ST8SIA2: variants seen among roughly 807,000 people sequenced by gnomAD.
The protein encoded by ST8SIA2 is alpha-2,8-sialyltransferase 8B.
Under a neutral mutation model 37.6 loss-of-function variants are expected in ST8SIA2, and 22 were observed. The observed-to-expected ratio is 0.58, with a 90% CI of 0.42 to 0.83. ST8SIA2 has a LOEUF of 0.83. ST8SIA2 is among the 40% of genes least tolerant of loss of function. The pLI, the probability that ST8SIA2 is intolerant of heterozygous loss-of-function variation, is 0.00. For missense variants in ST8SIA2, 382 were observed against 484.7 expected (o/e 0.79, Z 1.99); for synonymous variants, 205 against 201.2 (o/e 1.02, Z -0.16).
At position 92,464,432 on chromosome 15, in the gene ST8SIA2, C is replaced by A; in HGVS notation, c.*47C>A. 1 of 1,606,806 alleles carries A rather than the reference C, an allele frequency of 6.2e-7. No individual in the cohort carries two copies. Among genetic ancestry groups the A allele is most frequent in the Non-Finnish European group, 8.5e-7 (1 of 1,174,928 alleles). On this transcript the variant is annotated 3_prime_UTR_variant, in exon 6 of 6. Coordinates refer to ENST00000268164, the MANE Select transcript of ST8SIA2 (RefSeq NM_006011.4). ...AGTGGCTCACATTTCCTGCCAGCTA[C>A]ACCACAGGCAGATGGGAGTCGGGGT... is the stretch of plus-strand genomic sequence containing the variant.
chr15:92,454,114 G>A (rs762984823), intron 5 of ST8SIA2, among the ~76,000 whole-genome samples: 50 of 152,154 alleles, frequency 3.3e-4, no homozygotes, highest in Non-Finnish European at 6.0e-4. Flanking sequence ...CCGTAACAGC[G>A]TCTCACAGAC....
chr15:92,438,603 G>A lies in ST8SIA2; in HGVS notation c.541G>A (p.Val181Ile), dbSNP rs369258273. 4.9e-5 allele frequency: 79 copies of A among 1,606,484 alleles called. No individual in the cohort carries two copies. The Middle Eastern group carries it at 8.3e-4, about 17-fold the overall frequency. ...CGQEIDAHSF[V>I]IRCNLAPVQE... The stretch of plus-strand genomic sequence containing the variant: ...GCAGGAGATTGACGCCCACAGCTTC[G>A]TCATCAGGTAACATGCCCCAGCAGG... The change falls in exon 4 of 6, where the codon GTC (valine) becomes ATC (isoleucine). Residue 181 changes from valine to isoleucine, a missense_variant. Coordinates refer to ENST00000268164, the MANE Select transcript of ST8SIA2 (RefSeq NM_006011.4).
Position 92,409,314 on chromosome 15 carries a change from A to G in ST8SIA2, c.98+15152A>G, listed in dbSNP as rs574814386. Among the ~76,000 whole-genome samples, 4 of 152,304 alleles carry G rather than the reference A, an allele frequency of 2.6e-5. 1 individual carries two copies. Among genetic ancestry groups the G allele is most frequent in the African/African-American group, 7.2e-5 (3 of 41,560 alleles). On this transcript the variant is annotated intron_variant, in intron 1 of 5. Coordinates refer to ENST00000268164, the MANE Select transcript of ST8SIA2 (RefSeq NM_006011.4). ...ATGCTGGTCTGGCTGGCTTAATGGTACCTAATCTTACCTTTTGAAGCTCAC... is the reference window on the plus strand; with the variant it reads ...ATGCTGGTCTGGCTGGCTTAATGGTGCCTAATCTTACCTTTTGAAGCTCAC...
At chr15:92,420,505 T>C (rs1024757565) in intron 1 of ST8SIA2, among the ~76,000 whole-genome samples, 1 of 152,212 alleles carries the variant, frequency 6.6e-6, no homozygotes, top group African/African-American at 2.4e-5. Context: ...GGATGTTTTC[T>C]GAAGTTGAGC....
chr15:92,425,849 C>T (rs993931840), intron 1 of ST8SIA2, among the ~76,000 whole-genome samples: 33 of 152,086 alleles, frequency 2.2e-4, no homozygotes, highest in Non-Finnish European at 4.3e-4. Flanking sequence ...TACTGGCCCC[C>T]AGTAAATGAG....
Position 92,464,380 on chromosome 15 carries a change from A to T in ST8SIA2, c.1123A>T (p.Thr375Ser). Residue 375 changes from threonine to serine, a missense_variant, in exon 6 of 6, where the codon ACG (threonine) becomes TCG (serine). Transcript: ENST00000268164. Reference sequence around the variant, plus strand: ...GACTGTCGGCCAGTGCGATGGGGCCACGTAGGGTGGGCACCCCATGGGACT... The same window carrying T: ...GACTGTCGGCCAGTGCGATGGGGCCTCGTAGGGTGGGCACCCCATGGGACT... Reference protein sequence around the residue: ...KLTVGQCDGAT With the variant: ...KLTVGQCDGAS 1.2e-6 allele frequency: 2 copies of T among 1,613,456 alleles called. No individual in the cohort carries two copies. Among genetic ancestry groups the T allele is most frequent in the Non-Finnish European group, 1.7e-6 (2 of 1,180,024 alleles).
chr15:92,403,439 A>C (rs2049485530), intron 1 of ST8SIA2, among the ~76,000 whole-genome samples: 1 of 152,194 alleles, frequency 6.6e-6, no homozygotes, highest in African/African-American at 2.4e-5. Context: ...TAGACTCATC[A>C]TGTCAGATAG....
chr15:92,448,572 G>A (rs762584972), intron 5 of ST8SIA2, among the ~76,000 whole-genome samples: 4 of 152,318 alleles, frequency 2.6e-5, no homozygotes, highest in East Asian at 3.9e-4. Context: ...CCCCAGCTCC[G>A]TGACTGGCTT....
chr15:92,411,961 G>A (rs931065105), intron 1 of ST8SIA2, among the ~76,000 whole-genome samples: 3 of 152,170 alleles, frequency 2.0e-5, no homozygotes, highest in Non-Finnish European at 2.9e-5. Context: ...AGGGAAGTAC[G>A]AGGCAACCAA....
chr15:92,417,127 A>G (rs2049592740), intron 1 of ST8SIA2, among the ~76,000 whole-genome samples: 1 of 152,184 alleles, frequency 6.6e-6, no homozygotes, highest in African/African-American at 2.4e-5. Flanking sequence ...TACAGCAGGA[A>G]CCCCAATTGA....
chr15:92,454,599 G>T (rs536296906), intron 5 of ST8SIA2, among the ~76,000 whole-genome samples: 1 of 151,992 alleles, frequency 6.6e-6, no homozygotes. Flanking sequence ...GAGGCAGTGA[G>T]TAGGGAGAGG....
intron 5 of ST8SIA2, among the ~76,000 whole-genome samples, chr15:92,453,324 C>A (rs1455727377): frequency 6.6e-6 from 1 of 152,140 alleles, no homozygotes. Flanking sequence ...TTACCAATAA[C>A]TTAAATGACA....
At chr15:92,418,850 C>G (rs1419306812) in intron 1 of ST8SIA2, among the ~76,000 whole-genome samples, 1 of 152,028 alleles carries the variant, frequency 6.6e-6, no homozygotes, top group East Asian at 1.9e-4. Flanking sequence ...GAATTTTATG[C>G]CATTTTAAAT....
intron 1 of ST8SIA2, among the ~76,000 whole-genome samples, chr15:92,408,405 C>T (rs957988832): frequency 2.6e-5 from 4 of 152,164 alleles, no homozygotes; most frequent in East Asian, 1.9e-4. Flanking sequence ...AGGCTAGGAC[C>T]GTTTCAGATG....
Position 92,468,655 on chromosome 15 carries a change from T to A in ST8SIA2, c.*4270T>A, listed in dbSNP as rs2050009691. On this transcript the variant is annotated 3_prime_UTR_variant, in exon 6 of 6. Transcript: ENST00000268164. ...AGGGACTGTGTTTTATTCATCTGTA[T>A]CCATCACAGCACTAGGCGTGGTGCA... 1 of 152,732 alleles carries A rather than the reference T, an allele frequency of 6.5e-6. No individual in the cohort carries two copies. Among genetic ancestry groups the A allele is most frequent in the Non-Finnish European group, 1.5e-5 (1 of 68,072 alleles). The allele number at this position is 152,732 out of a possible 1,614,324, so 9.5% of individuals were successfully genotyped here.
At chr15:92,437,767 C>T (rs1596242649) in intron 3 of ST8SIA2, among the ~76,000 whole-genome samples, 2 of 152,172 alleles carry the variant, frequency 1.3e-5, no homozygotes, top group African/African-American at 2.4e-5. Context: ...GAGTGAGAGG[C>T]GCCTGTCATC....
intron 5 of ST8SIA2, among the ~76,000 whole-genome samples, chr15:92,452,441 TTC>T (rs1228090860): frequency 6.6e-6 from 1 of 152,222 alleles, no homozygotes; most frequent in African/African-American, 2.4e-5. Context: ...GGCCATGATC[TTC>T]TCCAAATCAT....
chr15:92,448,684 G>A (rs905245296), intron 5 of ST8SIA2, among the ~76,000 whole-genome samples: 2 of 152,306 alleles, frequency 1.3e-5, no homozygotes, highest in East Asian at 3.9e-4. Context: ...CACTTGGAGA[G>A]CTACAATGTG....
At chr15:92,408,456 T>A (rs2049524209) in intron 1 of ST8SIA2, among the ~76,000 whole-genome samples, 1 of 151,586 alleles carries the variant, frequency 6.6e-6, no homozygotes, top group African/African-American at 2.4e-5. Context: ...CAGTGCCTGG[T>A]GGAAAGTAGG....
Sources: gnomAD v4.1 joint callset for allele counts (sites outside exome capture counted in the v4.1 genomes callset) on GRCh38, gnomAD v4.1.1 for gene constraint, MANE v1.5 for transcripts, NCBI Gene and HGNC (gene_info 2026-07-23, HGNC 2026-07-21) for gene names.